The following RYR2 variants were observed in gnomAD, a reference collection of about 807,000 sequenced individuals.
RYR2 encodes cardiac muscle ryanodine receptor-calcium release channel.
A neutral mutation model predicts 601.1 loss-of-function variants in RYR2; 227 were observed. That is an observed-to-expected ratio of 0.38 (90% CI 0.34 to 0.42). RYR2 has a LOEUF of 0.42. Among genes scored for constraint, RYR2 ranks in the 10% least tolerant of loss-of-function variants. The probability of loss-of-function intolerance (pLI) is 1.00; values close to 1 mark genes in which losing one functional copy is unlikely to be tolerated. For missense variants in RYR2, 4,646 were observed against 6,156.5 expected (o/e 0.75, Z 8.21); for synonymous variants, 2,223 against 2,175.1 (o/e 1.02, Z -0.61).
intron 1 of RYR2, among the ~76,000 whole-genome samples, chr1:237,072,049 T>A (rs558454766): frequency 1.3e-5 from 2 of 152,138 alleles, no homozygotes; most frequent in Non-Finnish European, 2.9e-5. Flanking sequence ...GGGAAGAGGG[T>A]GTCCTGGGCC....
chr1:237,542,276 A>C (rs1669373837), intron 25 of RYR2, among the ~76,000 whole-genome samples: 1 of 151,834 alleles, frequency 6.6e-6, no homozygotes, highest in Non-Finnish European at 1.5e-5. Flanking sequence ...TATTTTTAGT[A>C]GAGATGGGGT....
At chr1:237,507,216 T>A (rs957252406) in intron 23 of RYR2, among the ~76,000 whole-genome samples, 3 of 152,268 alleles carry the variant, frequency 2.0e-5, no homozygotes, top group African/African-American at 2.4e-5. Context: ...TTTCTTTTCT[T>A]TCAGTTCCAA....
chr1:237,344,864 T>C lies in RYR2; in HGVS notation c.274-11101T>C, dbSNP rs550860277. The stretch of plus-strand genomic sequence containing the variant: ...GCTCTGTCACTGGGCTGGAGTGCAG[T>C]GGCACCATCTTGGTTCACTGCAACC... On this transcript the variant is annotated intron_variant, in intron 3 of 104. Transcript: ENST00000366574. Among the ~76,000 whole-genome samples the C allele has an allele frequency of 1.4e-4, 22 of 152,236 alleles. No individual in the cohort carries two copies. The South Asian group carries it at 4.2e-3, about 29-fold the overall frequency.
intron 2 of RYR2, among the ~76,000 whole-genome samples, chr1:237,298,321 T>C (rs1399658308): frequency 1.3e-5 from 2 of 152,126 alleles, no homozygotes; most frequent in African/African-American, 4.8e-5. Flanking sequence ...ACTCTAGTAA[T>C]CCAAGGATGG....
At chr1:237,476,425 G>A (rs1043823231) in intron 17 of RYR2, among the ~76,000 whole-genome samples, 3 of 145,456 alleles carry the variant, frequency 2.1e-5, no homozygotes, top group South Asian at 2.2e-4. Flanking sequence ...CAGGAGAATC[G>A]CTTGAACCTG....
At chr1:237,221,300 G>A (rs548210957) in intron 1 of RYR2, among the ~76,000 whole-genome samples, 9 of 152,298 alleles carry the variant, frequency 5.9e-5, no homozygotes, top group African/African-American at 2.2e-4. Flanking sequence ...CACTGAAACA[G>A]CTAAACCTCA....
rs139244402 is a variant in RYR2, at chr1:237,572,688, G to A, written c.3598+3369G>A. 4.7e-3 allele frequency among the ~76,000 whole-genome samples: 711 copies of A among 152,234 alleles called. 8 individuals are homozygous for A. Among genetic ancestry groups the A allele is most frequent in the African/African-American group, 0.016 (676 of 41,550 alleles). On this transcript the variant is annotated intron_variant, in intron 29 of 104. Transcript: ENST00000366574. ...TATTAGAGGTTTTGGGAGGACCTGC[G>A]TTTTGGTCTTCAAGGCAGGTTATAA...
chr1:237,784,978 T>A lies in RYR2; in HGVS notation c.13260+6T>A. ...AGGTGCAGGAAAAATTTCAGGTAAT[T>A]TATCTCTAAGTCACAGCAGCATTCT... On this transcript the variant is annotated splice_donor_region_variant and intron_variant, in intron 90 of 104. Transcript: ENST00000366574. This position sits in a 1 kb window ranked among gnomAD's most constrained non-coding sequence, Gnocchi z 7.1. The A allele has an allele frequency of 6.4e-7, 1 of 1,561,156 alleles. No homozygotes were observed. Among genetic ancestry groups the A allele is most frequent in the Non-Finnish European group, 8.7e-7 (1 of 1,150,940 alleles).
chr1:237,631,922 C>T lies in RYR2; in HGVS notation c.6555+381C>T, dbSNP rs190374210. Reference sequence around the variant, plus strand: ...TGCTGGGATTACAGGCGTGAGCCACCGCGCCCAGCCCAGATTGTAGATTCT... The same window carrying T: ...TGCTGGGATTACAGGCGTGAGCCACTGCGCCCAGCCCAGATTGTAGATTCT... On this transcript the variant is annotated intron_variant, in intron 42 of 104. Transcript: ENST00000366574. 1.5e-3 allele frequency among the ~76,000 whole-genome samples: 223 copies of T among 151,954 alleles called. 1 individual carries two copies. Among genetic ancestry groups the T allele is most frequent in the African/African-American group, 4.1e-3 (168 of 41,446 alleles).
At chr1:237,421,689 A>G (rs186577871) in intron 11 of RYR2, among the ~76,000 whole-genome samples, 186 of 152,344 alleles carry the variant, frequency 1.2e-3, no homozygotes, top group African/African-American at 3.8e-3. Context: ...CAAGTTTATT[A>G]AATAATAAGA....
chr1:237,335,433 A>G (rs1697153437), intron 3 of RYR2, among the ~76,000 whole-genome samples: 1 of 152,206 alleles, frequency 6.6e-6, no homozygotes, highest in Admixed American at 6.5e-5. Flanking sequence ...GGAGTCCAGG[A>G]AATTTACTGA....
chr1:237,699,347 GT>G (rs1156274759), intron 64 of RYR2, among the ~76,000 whole-genome samples: 1 of 152,080 alleles, frequency 6.6e-6, no homozygotes, highest in Non-Finnish European at 1.5e-5. Flanking sequence ...CGTGATATTT[GT>G]GCTTAACATT....
chr1:237,811,783 A>C (rs1402236755), intron 100 of RYR2, among the ~76,000 whole-genome samples: 1 of 152,142 alleles, frequency 6.6e-6, no homozygotes, highest in Non-Finnish European at 1.5e-5. Context: ...AATCATCTGT[A>C]ATTTTCAACA....
chr1:237,371,123 T>A lies in RYR2; in HGVS notation c.384+1515T>A, dbSNP rs964986859. 5.9e-5 allele frequency among the ~76,000 whole-genome samples: 9 copies of A among 152,010 alleles called. 1 individual carries two copies. The South Asian group carries it at 6.2e-4, about 11-fold the overall frequency. ...TTCTGTCCTTAAGGCTTTTTTTTTT[T>A]AAACATAATTGAGATGTTACTACGT... On this transcript the variant is annotated intron_variant, in intron 6 of 104. Transcript: ENST00000366574.
In RYR2 at chr1:237,614,478, C is replaced by T; in HGVS notation, c.5350C>T (p.Leu1784=). 1.9e-6 allele frequency: 3 copies of T among 1,614,044 alleles called. No individual in the cohort carries two copies. Among genetic ancestry groups the T allele is most frequent in the Non-Finnish European group, 2.5e-6 (3 of 1,179,892 alleles). Residue 1784 remains leucine, a synonymous_variant, in exon 37 of 105, where the codon CTG becomes TTG. Coordinates refer to ENST00000366574, the MANE Select transcript of RYR2 (RefSeq NM_001035.3). This position sits in a 1 kb window ranked among gnomAD's most constrained non-coding sequence, Gnocchi z 4.3. ...TTACCAGTACAGTCCAGAGTTCCCACTGGACATCCTCAAGTCCAAAACCAT... is the reference window on the plus strand; with the variant it reads ...TTACCAGTACAGTCCAGAGTTCCCATTGGACATCCTCAAGTCCAAAACCAT... ...ECYQYSPEFP[L]DILKSKTIQM...
intron 1 of RYR2, among the ~76,000 whole-genome samples, chr1:237,156,304 A>C (rs931966164): frequency 3.9e-5 from 6 of 152,064 alleles, no homozygotes; most frequent in Non-Finnish European, 8.8e-5. Context: ...TTAAAGGTTA[A>C]TTTTTTTTGT....
rs772507667 is a variant in RYR2 at position 237,830,552 on chromosome 1, T to C, written c.14678T>C (p.Ile4893Thr). 2 of 1,606,770 alleles carry C rather than the reference T, an allele frequency of 1.2e-6. No homozygotes were observed. The highest frequency in any genetic ancestry group is 1.3e-5 in the African/African-American group (1 of 74,894). ...DMETKCFICG[I>T]GNDYFDTVPH... is the part of the protein sequence containing the mutation. ...TAGACCAAATGCTTCATCTGTGGGATAGGCAATGATTACTTCGACACAGTG... is the reference window on the plus strand; with the variant it reads ...TAGACCAAATGCTTCATCTGTGGGACAGGCAATGATTACTTCGACACAGTG... The change falls in exon 103 of 105, where the codon ATA becomes ACA. Residue 4893 changes from isoleucine (I) to threonine (T), a missense_variant. Around this residue, in one of 17 missense-constraint regions of RYR2, gnomAD observed 55 missense variants for 204.7 expected, o/e 0.27. Transcript: ENST00000366574.
chr1:237,704,714 G>A (rs904912335), intron 66 of RYR2, among the ~76,000 whole-genome samples: 31 of 151,404 alleles, frequency 2.0e-4, no homozygotes, highest in African/African-American at 3.6e-4. Context: ...TTAATTTTGC[G>A]GTTATAAAGT....
chr1:237,699,086 A>T, intron 64 of RYR2, 61 bp downstream of exon 64: 1 of 751,372 alleles, frequency 1.3e-6, no homozygotes, highest in Non-Finnish European at 2.2e-6. Flanking sequence ...TATATATATA[A>T]GAATATTAAG....
Sources: allele counts gnomAD v4.1 joint callset (sites outside exome capture counted in the v4.1 genomes callset), GRCh38; gene constraint gnomAD v4.1.1; regional missense constraint gnomAD v4.1.1; non-coding constraint Gnocchi (gnomAD v3.1); transcripts MANE v1.5; gene names NCBI Gene and HGNC (gene_info 2026-07-23, HGNC 2026-07-21).